Variants in TRIM44 observed in about 807,000 individuals in gnomAD.
TRIM44 encodes the protein tripartite motif-containing protein 44.
In TRIM44, 13 loss-of-function variants were observed where a neutral mutation model predicts 37.4. The ratio of observed to expected loss-of-function variants is 0.35; its 90% CI spans 0.23 to 0.55. The LOEUF is 0.55. TRIM44 is among the 20% of genes least tolerant of loss of function. The pLI, the probability that TRIM44 is intolerant of heterozygous loss-of-function variation, is 0.89. For missense variants in TRIM44, 426 were observed against 437.2 expected (o/e 0.97, Z 0.23); for synonymous variants, 175 against 157.2 (o/e 1.11, Z -0.85).
intron 4 of TRIM44, among the ~76,000 whole-genome samples, chr11:35,774,318 GA>G (rs551635285): frequency 1.1e-3 from 164 of 151,984 alleles, no homozygotes; most frequent in African/African-American, 3.5e-3. Context: ...TGATGGGGTT[GA>G]TTTTTTTCTT....
chr11:35,691,240 C>A (rs1851633266), intron 2 of TRIM44, among the ~76,000 whole-genome samples: 1 of 152,196 alleles, frequency 6.6e-6, no homozygotes, highest in African/African-American at 2.4e-5. Flanking sequence ...ACCTGTGCTC[C>A]CTCAGTCTTG....
Position 35,726,166 on chromosome 11 carries a change from A to G in TRIM44, c.987+3A>G. ...AATCAGCTGAGCCAAAGGCAGAGGT[A>G]AAGGAAAAGCCCATAATTATTAGTA... On this transcript the variant is annotated splice_donor_region_variant and intron_variant, in intron 3 of 4. Transcript: ENST00000299413. The G allele has an allele frequency of 6.2e-7, 1 of 1,613,344 alleles. No homozygotes were observed.
chr11:35,716,189 T>C (rs1852038047), intron 2 of TRIM44, among the ~76,000 whole-genome samples: 1 of 152,100 alleles, frequency 6.6e-6, no homozygotes, highest in African/African-American at 2.4e-5. Flanking sequence ...GGGCCAGAGC[T>C]GGGATTTGAG....
rs1853514628 is a variant in TRIM44, at chr11:35,810,432, A to C, written c.*4047A>C. The C allele has an allele frequency of 6.6e-6, 1 of 152,146 alleles. No homozygotes were observed. Among genetic ancestry groups the C allele is most frequent in the Non-Finnish European group, 1.5e-5 (1 of 68,024 alleles). 9.4% of individuals were successfully genotyped at this position (152,146 alleles called of 1,614,324 possible). ...TCCAGCCCAGCTCTAAGAGAAAAAG[A>C]AGGCCCATATGGGAGACTTCAGTCT... is the stretch of plus-strand genomic sequence containing the variant. On this transcript the variant is annotated 3_prime_UTR_variant, in exon 5 of 5. Transcript: ENST00000299413.
chr11:35,724,778 A>G (rs1403524858), intron 2 of TRIM44, among the ~76,000 whole-genome samples: 2 of 152,218 alleles, frequency 1.3e-5, no homozygotes, highest in African/African-American at 4.8e-5. Context: ...AAAGCTTGAT[A>G]TAATCCAGTA....
At position 35,663,268 on chromosome 11, in the gene TRIM44, C is replaced by G. The variant is rs771148633; in HGVS notation, c.157C>G (p.Leu53Val). 23 of 1,612,822 alleles carry G rather than the reference C, an allele frequency of 1.4e-5. No homozygotes were observed. The highest frequency in any genetic ancestry group is 1.9e-5 in the Non-Finnish European group (22 of 1,178,886). The change falls in exon 1 of 5, where the codon CTC becomes GTC. Residue 53 changes from leucine (L) to valine (V), a missense_variant. Around this residue, in one of 2 missense-constraint regions of TRIM44, gnomAD observed 331 missense variants for 303.0 expected, o/e 1.09. Transcript: ENST00000299413. ...TGCCGAGGCGCACAGGCAGAAGTTC[C>G]TCAGTCACCATCTGGCCGAATACGT... The part of the protein sequence containing the change: ...RHAEAHRQKF[L>V]SHHLAEYVHG...
intron 2 of TRIM44, among the ~76,000 whole-genome samples, chr11:35,691,870 C>T (rs1590510028): frequency 6.6e-6 from 1 of 152,202 alleles, no homozygotes; most frequent in African/African-American, 2.4e-5. Context: ...TGGTCTCGAT[C>T]TCCTGACCTC....
chr11:35,779,378 G>A (rs1357966933), intron 4 of TRIM44, among the ~76,000 whole-genome samples: 1 of 152,114 alleles, frequency 6.6e-6, no homozygotes, highest in African/African-American at 2.4e-5. Flanking sequence ...GGAATTCCCT[G>A]ACCCCTTGTG....
chr11:35,732,489 T>C (rs1852274294), intron 3 of TRIM44, among the ~76,000 whole-genome samples: 1 of 152,208 alleles, frequency 6.6e-6, no homozygotes, highest in African/African-American at 2.4e-5. Context: ...GAATAATTAT[T>C]TACTATGAGC....
At chr11:35,742,485 GTATTATATATAATTA>G (rs1852413351) in intron 4 of TRIM44, among the ~76,000 whole-genome samples, 2 of 124,390 alleles carry the variant, frequency 1.6e-5, no homozygotes, top group African/African-American at 6.2e-5. Flanking sequence ...TATATTAATT[GTATTATATATAATTA>G]TATTAAATAT....
rs187394394 is a variant in TRIM44 at position 35,702,358 on chromosome 11, G to A, written c.747+17022G>A. Among the ~76,000 whole-genome samples the A allele has an allele frequency of 5.6e-3, 856 of 152,292 alleles. 5 individuals are homozygous for A. The highest frequency in any genetic ancestry group is 8.5e-3 in the Non-Finnish European group (579 of 68,016). ...CCACCGTTCTTTGACCCTATCCCAC[G>A]CCAGCTTGTGTGGCTGCGGAGTGGG... On this transcript the variant is annotated intron_variant, in intron 2 of 4. Transcript: ENST00000299413.
intron 3 of TRIM44, among the ~76,000 whole-genome samples, chr11:35,728,813 C>T (rs1852217894): frequency 6.6e-6 from 1 of 152,174 alleles, no homozygotes; most frequent in Non-Finnish European, 1.5e-5. Flanking sequence ...CACCTAGATT[C>T]TCCTATTAAC....
At chr11:35,716,549 A>G (rs1852041285) in intron 2 of TRIM44, among the ~76,000 whole-genome samples, 1 of 152,210 alleles carries the variant, frequency 6.6e-6, no homozygotes, top group Non-Finnish European at 1.5e-5. Context: ...CACATGTGGG[A>G]TAGCCTCTGA....
At chr11:35,672,693 G>A (rs148501319) in intron 1 of TRIM44, among the ~76,000 whole-genome samples, 34 of 152,268 alleles carry the variant, frequency 2.2e-4, no homozygotes, top group African/African-American at 6.5e-4. Flanking sequence ...GAGGTATGCC[G>A]TAGTATATTC....
In TRIM44 at chr11:35,672,673, C is replaced by T. The variant is rs79700596; in HGVS notation, c.669+8893C>T. Among the ~76,000 whole-genome samples, 285 of 152,004 alleles carry T rather than the reference C, an allele frequency of 1.9e-3. 2 individuals carry two copies. The highest frequency in any genetic ancestry group is 6.5e-3 in the African/African-American group (270 of 41,456). Reference sequence around the variant, plus strand: ...AATGGGAGGATATAGCTGTGATTCTCGAGGGGCTGGAGGTATGCCGTAGTA... The same window carrying T: ...AATGGGAGGATATAGCTGTGATTCTTGAGGGGCTGGAGGTATGCCGTAGTA... On this transcript the variant is annotated intron_variant, in intron 1 of 4. Transcript: ENST00000299413.
At chr11:35,777,706 C>A (rs1590593673) in intron 4 of TRIM44, among the ~76,000 whole-genome samples, 1 of 152,144 alleles carries the variant, frequency 6.6e-6, no homozygotes, top group Non-Finnish European at 1.5e-5. Context: ...ATTTCTCCTT[C>A]ACTTATGAAG....
chr11:35,748,879 G>C (rs898205719), intron 4 of TRIM44, among the ~76,000 whole-genome samples: 3 of 152,170 alleles, frequency 2.0e-5, no homozygotes, highest in African/African-American at 7.2e-5. Context: ...AAGCTCAGAA[G>C]AAGAGGAGGT....
chr11:35,789,221 C>T (rs549529615), intron 4 of TRIM44, among the ~76,000 whole-genome samples: 1 of 152,220 alleles, frequency 6.6e-6, no homozygotes, highest in African/African-American at 2.4e-5. Flanking sequence ...AAGACCTATG[C>T]ACCTCATGCT....
intron 4 of TRIM44, among the ~76,000 whole-genome samples, chr11:35,800,719 G>A (rs1853356367): frequency 6.6e-6 from 1 of 152,154 alleles, no homozygotes; most frequent in Non-Finnish European, 1.5e-5. Context: ...TTGTGGTGAT[G>A]GGATAGAGAG....
Sources: allele counts gnomAD v4.1 joint callset (sites outside exome capture counted in the v4.1 genomes callset), GRCh38; gene constraint gnomAD v4.1.1; regional missense constraint gnomAD v4.1.1; transcripts MANE v1.5; gene names NCBI Gene and HGNC (gene_info 2026-07-23, HGNC 2026-07-21).